PDE2A: variants seen among roughly 807,000 people sequenced by gnomAD.
PDE2A encodes the protein cGMP-dependent 3',5'-cyclic phosphodiesterase.
Under a neutral mutation model 133.6 loss-of-function variants are expected in PDE2A, and 53 were observed. The observed-to-expected ratio is 0.40, with a 90% CI of 0.32 to 0.50. PDE2A has a LOEUF of 0.50. Among genes scored for constraint, PDE2A ranks in the 20% least tolerant of loss-of-function variants. PDE2A has a pLI of 0.73. For missense variants in PDE2A, 796 were observed against 1,232.4 expected, an observed-to-expected ratio of 0.65 and a Z score of 5.30; for synonymous variants, 491 against 490.2, an observed-to-expected ratio of 1.00 and a Z score of -0.02.
intron 6 of PDE2A, among the ~76,000 whole-genome samples, chr11:72,594,124 C>T (rs900635183): frequency 6.6e-6 from 1 of 152,228 alleles, no homozygotes; most frequent in Non-Finnish European, 1.5e-5. Context: ...GTGTTCCCAG[C>T]ACCTAGCACT....
intron 2 of PDE2A, among the ~76,000 whole-genome samples, chr11:72,610,304 G>A (rs903537923): frequency 3.3e-5 from 5 of 152,230 alleles, no homozygotes; most frequent in Middle Eastern, 3.4e-3. Context: ...TTCCAGGTAG[G>A]GCCATGCTAC....
At chr11:72,664,924 A>G (rs1484820495) in intron 1 of PDE2A, among the ~76,000 whole-genome samples, 2 of 151,840 alleles carry the variant, frequency 1.3e-5, no homozygotes, top group East Asian at 1.9e-4. Flanking sequence ...CTCCTGCCTC[A>G]GCCCCCCGAG....
Position 72,576,482 on chromosome 11 carries a change from CA to C in PDE2A, c.*901del, listed in dbSNP as rs1167506468. The C allele has an allele frequency of 6.3e-6, 1 of 158,988 alleles. No homozygotes were observed. The highest frequency in any genetic ancestry group is 1.9e-4 in the East Asian group (1 of 5,204). The allele number at this position is 158,988 out of a possible 1,614,324, so 9.8% of individuals were successfully genotyped here. A position where few individuals can be genotyped will look rare whatever the true frequency, so the allele number is the denominator to read the frequency against. On this transcript the variant is annotated 3_prime_UTR_variant, in exon 31 of 31. Coordinates refer to ENST00000334456, the MANE Select transcript of PDE2A (RefSeq NM_002599.5). ...AGGGGCTCAGGCCAAGGGGAACACT[CA>C]GGGGGCCTCTGAGACACTCAGGGTT...
rs997999900 is a variant in PDE2A, at chr11:72,673,545, C to T, written c.71+592G>A. 3.5e-4 allele frequency among the ~76,000 whole-genome samples: 53 copies of T among 152,228 alleles called. 2 individuals carry two copies. Among genetic ancestry groups the T allele is most frequent in the Non-Finnish European group, 2.2e-4 (15 of 68,008 alleles). ...GCTGGCACCATATTCCATCTGGCTC[C>T]GTAGAACCCTATCCTGGGACAGACG... On this transcript the variant is annotated intron_variant, in intron 1 of 30. Coordinates refer to ENST00000334456, the MANE Select transcript of PDE2A (RefSeq NM_002599.5).
intron 25 of PDE2A, among the ~76,000 whole-genome samples, chr11:72,580,100 C>T (rs1194282468): frequency 6.6e-6 from 1 of 152,076 alleles, no homozygotes; most frequent in African/African-American, 2.4e-5. Flanking sequence ...AGAACCTCGT[C>T]TCTGGGGGTG....
At chr11:72,641,446 C>T (rs1037208891) in intron 2 of PDE2A, among the ~76,000 whole-genome samples, 3 of 152,160 alleles carry the variant, frequency 2.0e-5, no homozygotes, top group Admixed American at 6.5e-5. Flanking sequence ...GACCCCAAAA[C>T]GAAGATGGAG....
chr11:72,665,479 C>T (rs148034545), intron 1 of PDE2A, among the ~76,000 whole-genome samples: 2,342 of 152,000 alleles, frequency 0.015, 38 homozygotes, highest in Non-Finnish European at 0.019. Flanking sequence ...TGGGATCTCT[C>T]TGCTTCCAGG....
chr11:72,588,675 C>A, intron 13 of PDE2A, 109 bp downstream of exon 13: 1 of 1,082,068 alleles, frequency 9.2e-7, no homozygotes, highest in Non-Finnish European at 1.3e-6. Context: ...CCCACTGCTG[C>A]TGAGACAGTA....
intron 3 of PDE2A, among the ~76,000 whole-genome samples, chr11:72,606,663 G>A (rs911036249): frequency 6.6e-6 from 1 of 152,164 alleles, no homozygotes; most frequent in African/African-American, 2.4e-5. Flanking sequence ...CCCACTCTTC[G>A]GCTATATCTA....
At chr11:72,581,306 AGG>A (rs1855715305) in intron 23 of PDE2A, 49 bp downstream of exon 23, 2 of 1,436,218 alleles carry the variant, frequency 1.4e-6, no homozygotes, top group African/African-American at 5.4e-5. Flanking sequence ...TCCCTGTCCC[AGG>A]GAGGGGACCC....
At chr11:72,603,261 T>C (rs1856834693) in intron 4 of PDE2A, among the ~76,000 whole-genome samples, 1 of 150,542 alleles carries the variant, frequency 6.6e-6, no homozygotes. Flanking sequence ...TCTGGGATAA[T>C]TGGATTTGAA....
At chr11:72,617,119 G>T (rs1857513374) in intron 2 of PDE2A, among the ~76,000 whole-genome samples, 1 of 152,230 alleles carries the variant, frequency 6.6e-6, no homozygotes, top group Non-Finnish European at 1.5e-5. Flanking sequence ...ACCTGCCTTG[G>T]CCAGGGGATG....
In PDE2A at chr11:72,590,417, G is replaced by A. The variant is rs774768904; in HGVS notation, c.703+10C>T. On this transcript the variant is annotated intron_variant, in intron 8 of 30. Transcript: ENST00000334456. The surrounding 1 kb of genome is among the most constrained non-coding windows in gnomAD (Gnocchi z 4.8). ...CCCGCCCTCGTGACCTGTCCAGGCC[G>A]GGCCCTCACCGCACAGTTGGAGGAT... The A allele has an allele frequency of 3.8e-6, 6 of 1,573,376 alleles. No individual in the cohort carries two copies. Among genetic ancestry groups the A allele is most frequent in the Middle Eastern group, 3.4e-4 (2 of 5,922 alleles).
At chr11:72,610,091 A>G (rs1857138934) in intron 2 of PDE2A, among the ~76,000 whole-genome samples, 1 of 152,126 alleles carries the variant, frequency 6.6e-6, no homozygotes, top group African/African-American at 2.4e-5. Context: ...GGAATTGGAA[A>G]CCAAGTTTTG....
At chr11:72,605,767 T>A (rs1388047055) in intron 3 of PDE2A, among the ~76,000 whole-genome samples, 2 of 152,150 alleles carry the variant, frequency 1.3e-5, no homozygotes, top group East Asian at 3.9e-4. Flanking sequence ...GAGGGCTTCC[T>A]GGAGGAAGTG....
intron 2 of PDE2A, among the ~76,000 whole-genome samples, chr11:72,609,154 T>C (rs1234156368): frequency 6.6e-6 from 1 of 152,258 alleles, no homozygotes; most frequent in African/African-American, 2.4e-5. Context: ...CCGCTGTGTA[T>C]GAGCAGTGAG....
chr11:72,597,747 G>T lies in PDE2A; in HGVS notation c.324-128C>A. The T allele has an allele frequency of 1.6e-6, 1 of 623,980 alleles. No individual in the cohort carries two copies. Among genetic ancestry groups the T allele is most frequent in the South Asian group, 1.9e-5 (1 of 52,598 alleles). 38.7% of individuals were successfully genotyped at this position (623,980 alleles called of 1,614,324 possible). ...ATCTGGGCAAGCTGACCTGCCTCAG[G>T]TTGGACACGATGACAGCACAAGTAA... is the stretch of plus-strand genomic sequence containing the variant. On this transcript the variant is annotated intron_variant, in intron 4 of 30. Transcript: ENST00000334456. The surrounding 1 kb of genome is among the most constrained non-coding windows in gnomAD (Gnocchi z 4.6).
chr11:72,621,833 CAA>C (rs1214068231), intron 2 of PDE2A: 3 of 150,654 alleles, frequency 2.0e-5, no homozygotes, highest in Non-Finnish European at 4.4e-5. Flanking sequence ...CTCCCCCCAC[CAA>C]AAAAAAAGTC....
At chr11:72,620,135 G>A (rs1236686009) in intron 2 of PDE2A, among the ~76,000 whole-genome samples, 1 of 152,194 alleles carries the variant, frequency 6.6e-6, no homozygotes, top group Non-Finnish European at 1.5e-5. Flanking sequence ...GGCCTTGCAG[G>A]TGACCAAGAA....
Sources: gnomAD v4.1 joint callset for allele counts (sites outside exome capture counted in the v4.1 genomes callset) on GRCh38, gnomAD v4.1.1 for gene constraint, Gnocchi (gnomAD v3.1) non-coding constraint, MANE v1.5 for transcripts, NCBI Gene and HGNC (gene_info 2026-07-23, HGNC 2026-07-21) for gene names.